Variants in SLC44A2 observed in about 807,000 individuals in gnomAD.
SLC44A2 encodes solute carrier family 44 member 2 (CTL2 blood group).
In SLC44A2, 57 loss-of-function variants were observed where a neutral mutation model predicts 90.8. That is an observed-to-expected ratio of 0.63 (90% CI 0.51 to 0.78). The LOEUF (loss-of-function observed/expected upper bound fraction) is 0.78, where lower values mean the gene tolerates loss of function less well. Ranked by LOEUF, SLC44A2 falls within the 30% of genes least tolerant of loss-of-function variation. SLC44A2 has a pLI of 0.00. For missense variants in SLC44A2, 794 were observed against 919.7 expected (o/e 0.86, Z 1.77); for synonymous variants, 355 against 360.7 (o/e 0.98, Z 0.18).
chr19:10,603,357 C>T (rs1271967839), intron 1 of SLC44A2, among the ~76,000 whole-genome samples: 2 of 152,162 alleles, frequency 1.3e-5, no homozygotes, highest in Non-Finnish European at 2.9e-5. Flanking sequence ...TTTCTCTTCT[C>T]CATTTTGGGT....
chr19:10,638,291 C>A lies in SLC44A2; in HGVS notation c.1905C>A (p.Leu635=). 1 of 1,614,100 alleles carries A rather than the reference C, an allele frequency of 6.2e-7. No homozygotes were observed. Among genetic ancestry groups the A allele is most frequent in the Non-Finnish European group, 8.5e-7 (1 of 1,180,004 alleles). The part of the protein sequence containing the change: ...IRIVQDTAPP[L]NYYWVPILTV... ...TCGTGCAGGATACAGCACCACCCCT[C>A]AATTATTACTGGGTTCCTATACTGG... The change falls in exon 20 of 22, where the codon CTC becomes CTA. Residue 635 remains leucine, a synonymous_variant. Coordinates refer to ENST00000335757, the MANE Select transcript of SLC44A2 (RefSeq NM_020428.4).
At chr19:10,605,835 A>T (rs1918087168) in intron 1 of SLC44A2, among the ~76,000 whole-genome samples, 2 of 151,904 alleles carry the variant, frequency 1.3e-5, no homozygotes, top group Admixed American at 6.6e-5. Flanking sequence ...CTCTATTAAA[A>T]ATATAAAAAT....
chr19:10,626,382 C>A, intron 2 of SLC44A2, 81 bp downstream of exon 2: 3 of 1,031,610 alleles, frequency 2.9e-6, no homozygotes, highest in African/African-American at 3.2e-5. Context: ...CCCATCTGTT[C>A]TCCAACAAAC....
chr19:10,637,279 G>A, intron 16 of SLC44A2: 1 of 257,512 alleles, frequency 3.9e-6, no homozygotes, highest in South Asian at 4.4e-5. Context: ...TTGAACTCCG[G>A]AGGTTGAGGT....
chr19:10,628,021 C>A lies in SLC44A2; in HGVS notation c.245+17C>A. On this transcript the variant is annotated intron_variant, in intron 4 of 21. Coordinates refer to ENST00000335757, the MANE Select transcript of SLC44A2 (RefSeq NM_020428.4). ...AAAAAACGAGTGAGTTGACTCCTTG[C>A]GGCCTGGTGGGGCTGGGGAAGAGGG... 6.2e-7 allele frequency: 1 copy of A among 1,605,668 alleles called. No homozygotes were observed. Among genetic ancestry groups the A allele is most frequent in the Non-Finnish European group, 8.5e-7 (1 of 1,175,042 alleles).
chr19:10,610,580 G>A lies in SLC44A2; in HGVS notation c.31+8019G>A, dbSNP rs189767513. Among the ~76,000 whole-genome samples the A allele has an allele frequency of 5.9e-3, 849 of 144,050 alleles. 5 individuals carry two copies. The highest frequency in any genetic ancestry group is 0.01 in the Non-Finnish European group (668 of 66,668). 94.5% of individuals were successfully genotyped at this position (144,050 alleles called of 152,430 possible). ...GATCTCCTGACCTCGTGATCTGCCC[G>A]CCTCGGCCTCCCAAAGTGCTGGGAT... On this transcript the variant is annotated intron_variant, in intron 1 of 21. Coordinates refer to the SLC44A2 transcript ENST00000407327.
At chr19:10,610,987 A>G (rs1046973092) in intron 1 of SLC44A2, among the ~76,000 whole-genome samples, 4 of 151,510 alleles carry the variant, frequency 2.6e-5, no homozygotes, top group African/African-American at 9.7e-5. Context: ...GGTGAACATG[A>G]TATTTATTTA....
intron 10 of SLC44A2, among the ~76,000 whole-genome samples, chr19:10,632,730 T>C (rs1382779851): frequency 6.6e-6 from 1 of 150,764 alleles, no homozygotes; most frequent in Non-Finnish European, 1.5e-5. Context: ...TGGAGTGCCA[T>C]GGCGCGATCT....
rs202182516 is a variant in SLC44A2, at chr19:10,606,910, TA to T, written c.31+4350del. ...GTATGAAAAGGTAGTTACTTACGGC[TA>T]TTTTTTTTTTTTTTTTTTGAGACGG... On this transcript the variant is annotated intron_variant, in intron 1 of 21. Coordinates refer to the SLC44A2 transcript ENST00000407327. Among the ~76,000 whole-genome samples the T allele has an allele frequency of 4.7e-4, 69 of 146,482 alleles. 5 individuals carry two copies. Among genetic ancestry groups the T allele is most frequent in the Non-Finnish European group, 5.9e-4 (39 of 65,606 alleles).
intron 1 of SLC44A2, among the ~76,000 whole-genome samples, chr19:10,615,821 C>T (rs1477965960): frequency 2.0e-5 from 3 of 151,978 alleles, no homozygotes; most frequent in Non-Finnish European, 4.4e-5. Flanking sequence ...CTCTAGGCCT[C>T]AGTTGATCTG....
At chr19:10,616,007 C>A (rs867907568) in intron 1 of SLC44A2, among the ~76,000 whole-genome samples, 73 of 151,966 alleles carry the variant, frequency 4.8e-4, no homozygotes, top group African/African-American at 1.6e-3. Context: ...ACCAAAAATA[C>A]AAAAATTAGC....
chr19:10,602,495 G>T, upstream of SLC44A2: 2 of 1,239,632 alleles, frequency 1.6e-6, no homozygotes, highest in South Asian at 3.1e-5. Flanking sequence ...CTGGGGTCGC[G>T]CTGGCTCGGA....
chr19:10,611,405 T>C (rs1317174061), intron 1 of SLC44A2, among the ~76,000 whole-genome samples: 2 of 152,148 alleles, frequency 1.3e-5, no homozygotes, highest in African/African-American at 4.8e-5. Context: ...TTAGCCAAGA[T>C]TGCGCCACTG....
At position 10,643,566 on chromosome 19, in the gene SLC44A2, A is replaced by G; in HGVS notation, c.*181A>G. The stretch of plus-strand genomic sequence containing the variant: ...GTCTGGGGCATCTCCTTCTTATGCC[A>G]AGGGGCGCTTGGAGTTTTCATGGCT... On this transcript the variant is annotated 3_prime_UTR_variant, in exon 22 of 22. Transcript: ENST00000335757. The G allele has an allele frequency of 1.5e-6, 1 of 679,202 alleles. No individual in the cohort carries two copies. Among genetic ancestry groups the G allele is most frequent in the South Asian group, 2.3e-5 (1 of 42,728 alleles). 42.1% of individuals were successfully genotyped at this position (679,202 alleles called of 1,614,324 possible).
At chr19:10,614,257 G>A (rs761040001) in intron 1 of SLC44A2, among the ~76,000 whole-genome samples, 1 of 151,776 alleles carries the variant, frequency 6.6e-6, no homozygotes, top group East Asian at 1.9e-4. Flanking sequence ...ATGAGCCACC[G>A]CACCCGTCCA....
chr19:10,605,980 C>T lies in SLC44A2; in HGVS notation c.31+3419C>T, dbSNP rs552436334. Among the ~76,000 whole-genome samples, 749 of 148,620 alleles carry T rather than the reference C, an allele frequency of 5.0e-3. 6 individuals are homozygous for T. The highest frequency in any genetic ancestry group is 0.011 in the Middle Eastern group (3 of 272). ...CTGCACTCCAACCTGGGCTATGGAG[C>T]GAGACTCCATCTCAAAAAACAACAA... On this transcript the variant is annotated intron_variant, in intron 1 of 21. Transcript: ENST00000407327.
At chr19:10,637,531 G>A in intron 16 of SLC44A2, 113 bp from the exon 17 acceptor site, 1 of 929,938 alleles carries the variant, frequency 1.1e-6, no homozygotes, top group South Asian at 1.4e-5. Context: ...CTCTTTGACA[G>A]CGTGGACTCA....
intron 1 of SLC44A2, among the ~76,000 whole-genome samples, chr19:10,617,087 A>G (rs894803334): frequency 1.3e-5 from 2 of 151,460 alleles, no homozygotes; most frequent in Non-Finnish European, 2.9e-5. Context: ...ACGCCCGGCT[A>G]ATTTTTGTAT....
chr19:10,619,625 A>T (rs1199658518), intron 1 of SLC44A2, among the ~76,000 whole-genome samples: 2 of 151,984 alleles, frequency 1.3e-5, no homozygotes, highest in Non-Finnish European at 2.9e-5. Flanking sequence ...GGCGTCAGCC[A>T]CTACGCCTGG....
Sources: gnomAD v4.1 joint callset for allele counts (sites outside exome capture counted in the v4.1 genomes callset) on GRCh38, gnomAD v4.1.1 for gene constraint, MANE v1.5 for transcripts, NCBI Gene and HGNC (gene_info 2026-07-23, HGNC 2026-07-21) for gene names.